KCTD16: variants seen among roughly 807,000 people sequenced by gnomAD.
The protein encoded by KCTD16 is BTB/POZ domain-containing protein KCTD16.
In KCTD16, 13 loss-of-function variants were observed where a neutral mutation model predicts 33.2. The observed-to-expected ratio is 0.39, with a 90% CI of 0.25 to 0.62. KCTD16 has a LOEUF of 0.62. KCTD16 is among the 20% of genes least tolerant of loss of function. The probability of loss-of-function intolerance (pLI) is 0.50; values close to 1 mark genes in which losing one functional copy is unlikely to be tolerated. For missense variants in KCTD16, 441 were observed against 525.1 expected (o/e 0.84, Z 1.57); for synonymous variants, 197 against 195.3 (o/e 1.01, Z -0.07).
rs1341960415 is a variant in KCTD16, at chr5:144,481,189, TC to T, written c.*7077del. The T allele has an allele frequency of 3.3e-5, 5 of 151,970 alleles. No homozygotes were observed. The highest frequency in any genetic ancestry group is 7.4e-5 in the Non-Finnish European group (5 of 67,916). The allele number at this position is 151,970 out of a possible 1,614,324, so 9.4% of individuals were successfully genotyped here. ...GTGTTTGTTGTGAAGCACTCTGGGA[TC>T]CTTTTCAGTTTACATGATCCTGTTA... is the stretch of plus-strand genomic sequence containing the variant. On this transcript the variant is annotated 3_prime_UTR_variant, in exon 4 of 4. Coordinates refer to ENST00000512467, the MANE Select transcript of KCTD16 (RefSeq NM_020768.4).
chr5:144,412,793 C>T (rs979210801), intron 3 of KCTD16, among the ~76,000 whole-genome samples: 16 of 151,954 alleles, frequency 1.1e-4, no homozygotes, highest in Non-Finnish European at 2.2e-4. Context: ...AGCTGAGGCA[C>T]GAGAGTCGCT....
At chr5:144,464,018 C>G (rs962378737) in intron 3 of KCTD16, among the ~76,000 whole-genome samples, 2 of 152,188 alleles carry the variant, frequency 1.3e-5, no homozygotes, top group Non-Finnish European at 2.9e-5. Context: ...GTCAGTCTTC[C>G]TATTCTGTTA....
At chr5:144,241,074 C>A (rs570234373) in intron 3 of KCTD16, among the ~76,000 whole-genome samples, 29 of 152,222 alleles carry the variant, frequency 1.9e-4, no homozygotes, top group African/African-American at 7.0e-4. Flanking sequence ...TAGAACAGGG[C>A]AGAATTCTTC....
chr5:144,428,189 A>G (rs944479341), intron 3 of KCTD16, among the ~76,000 whole-genome samples: 1 of 152,148 alleles, frequency 6.6e-6, no homozygotes, highest in Non-Finnish European at 1.5e-5. Flanking sequence ...TTGAGTATGC[A>G]TTGTTACATA....
chr5:144,291,682 A>G (rs569334724), intron 3 of KCTD16, among the ~76,000 whole-genome samples: 5 of 152,348 alleles, frequency 3.3e-5, no homozygotes, highest in African/African-American at 1.2e-4. Context: ...AGGTACGCCT[A>G]AAAATCATTA....
chr5:144,239,768 A>T (rs1754350500), intron 3 of KCTD16, among the ~76,000 whole-genome samples: 1 of 152,168 alleles, frequency 6.6e-6, no homozygotes, highest in African/African-American at 2.4e-5. Flanking sequence ...AATGATAACT[A>T]TACAACGCAT....
intron 3 of KCTD16, among the ~76,000 whole-genome samples, chr5:144,441,918 G>T (rs1753720563): frequency 6.7e-6 from 1 of 149,576 alleles, no homozygotes. Context: ...AGATTGACTT[G>T]CAGAATACTG....
chr5:144,380,804 A>G (rs1752197073), intron 3 of KCTD16, among the ~76,000 whole-genome samples: 1 of 152,236 alleles, frequency 6.6e-6, no homozygotes, highest in Non-Finnish European at 1.5e-5. Context: ...TGCACCATAT[A>G]AAAATCAACT....
chr5:144,434,151 T>G (rs1753527542), intron 3 of KCTD16, among the ~76,000 whole-genome samples: 1 of 152,188 alleles, frequency 6.6e-6, no homozygotes, highest in Admixed American at 6.5e-5. Flanking sequence ...TACAGTCAGC[T>G]TGTCTCTAGG....
intron 3 of KCTD16, among the ~76,000 whole-genome samples, chr5:144,386,233 G>T (rs76157088): frequency 6.6e-6 from 1 of 152,184 alleles, no homozygotes; most frequent in Non-Finnish European, 1.5e-5. Flanking sequence ...TGTGAACTGA[G>T]TGTAGCTAGG....
intron 2 of KCTD16, among the ~76,000 whole-genome samples, chr5:144,200,282 CAG>C (rs150984091): frequency 4.6e-4 from 70 of 152,130 alleles, no homozygotes; most frequent in African/African-American, 1.6e-3. Flanking sequence ...TATTTTATGA[CAG>C]TGGAAATCAG....
intron 3 of KCTD16, among the ~76,000 whole-genome samples, chr5:144,228,196 C>T (rs1753992359): frequency 6.6e-6 from 1 of 152,060 alleles, no homozygotes; most frequent in South Asian, 2.1e-4. Flanking sequence ...TCTAAGCACT[C>T]AAGTGTTAAG....
intron 3 of KCTD16, among the ~76,000 whole-genome samples, chr5:144,317,586 T>A (rs769146855): frequency 2.6e-5 from 4 of 152,168 alleles, no homozygotes; most frequent in Non-Finnish European, 5.9e-5. Context: ...TTTAGCCAAA[T>A]GAGCGTGCCA....
chr5:144,464,786 T>C (rs959730664), intron 3 of KCTD16, among the ~76,000 whole-genome samples: 15 of 152,012 alleles, frequency 9.9e-5, no homozygotes, highest in African/African-American at 3.6e-4. Context: ...CTTCCTCTTC[T>C]TCTTCTTCAT....
At chr5:144,257,520 G>A (rs1043046800) in intron 3 of KCTD16, among the ~76,000 whole-genome samples, 4 of 151,460 alleles carry the variant, frequency 2.6e-5, no homozygotes, top group African/African-American at 7.3e-5. Context: ...ACAGAGTCTC[G>A]CTCTGTCGCC....
At chr5:144,275,346 C>T (rs577298096) in intron 3 of KCTD16, among the ~76,000 whole-genome samples, 14 of 152,116 alleles carry the variant, frequency 9.2e-5, no homozygotes, top group African/African-American at 3.4e-4. Context: ...TGACTCATTG[C>T]ACCTAATAAC....
chr5:144,278,004 C>T (rs568910885), intron 3 of KCTD16, among the ~76,000 whole-genome samples: 6 of 152,078 alleles, frequency 3.9e-5, no homozygotes, highest in African/African-American at 1.4e-4. Context: ...TAAATTTCTA[C>T]GAGCAAAAGT....
At chr5:144,331,635 C>T (rs1752361300) in intron 3 of KCTD16, among the ~76,000 whole-genome samples, 1 of 152,110 alleles carries the variant, frequency 6.6e-6, no homozygotes, top group East Asian at 1.9e-4. Context: ...ACTCTGAGCT[C>T]TCTTAATTGA....
intron 3 of KCTD16, among the ~76,000 whole-genome samples, chr5:144,438,175 T>A (rs1327990851): frequency 1.3e-5 from 2 of 152,248 alleles, no homozygotes; most frequent in Non-Finnish European, 2.9e-5. Context: ...GTTCACATTA[T>A]ATTTCTATTA....
Sources: allele counts gnomAD v4.1 joint callset (sites outside exome capture counted in the v4.1 genomes callset), GRCh38; gene constraint gnomAD v4.1.1; transcripts MANE v1.5; gene names NCBI Gene and HGNC (gene_info 2026-07-23, HGNC 2026-07-21).